Variants in SUGCT observed in about 807,000 individuals in gnomAD.
SUGCT encodes the protein succinyl-CoA:glutarate-CoA transferase, also known as succinyl-CoA:glutarate CoA-transferase.
A neutral mutation model predicts 55.0 loss-of-function variants in SUGCT; 41 were observed. That is an observed-to-expected ratio of 0.74 (90% CI 0.58 to 0.97). The LOEUF is 0.97. SUGCT is among the 50% of genes least tolerant of loss of function. SUGCT has a pLI of 0.00. For missense variants in SUGCT, 568 were observed against 547.8 expected (o/e 1.04, Z -0.37); for synonymous variants, 187 against 200.4 (o/e 0.93, Z 0.56).
chr7:40,521,166 G>C (rs1488455251), intron 12 of SUGCT, among the ~76,000 whole-genome samples: 2 of 152,090 alleles, frequency 1.3e-5, no homozygotes, highest in Non-Finnish European at 2.9e-5. Context: ...GGGCCTGGTG[G>C]GAGGTGATTG....
chr7:40,848,257 T>C (rs1426389786), intron 13 of SUGCT, among the ~76,000 whole-genome samples: 1 of 141,616 alleles, frequency 7.1e-6, no homozygotes, highest in Non-Finnish European at 1.5e-5. Context: ...ATGTAAAATG[T>C]AGATTTACCT....
At chr7:40,855,178 A>G (rs1794107713) in intron 13 of SUGCT, among the ~76,000 whole-genome samples, 1 of 150,262 alleles carries the variant, frequency 6.7e-6, no homozygotes, top group Non-Finnish European at 1.5e-5. Flanking sequence ...TCTTTTTTCC[A>G]TCTATACTGT....
the SUGCT span, among the ~76,000 whole-genome samples, chr7:40,899,784 AAT>A: frequency 6.6e-6 from 1 of 152,360 alleles, no homozygotes; most frequent in East Asian, 1.9e-4. Context: ...TCAATGTTGA[AAT>A]ATCATTAAGC....
chr7:40,822,821 A>G (rs1196170940), intron 13 of SUGCT, among the ~76,000 whole-genome samples: 1 of 152,112 alleles, frequency 6.6e-6, no homozygotes, highest in Non-Finnish European at 1.5e-5. Context: ...TGAAAATGAG[A>G]GTGTTAAGGA....
chr7:40,445,517 AC>A (rs1215143658), intron 9 of SUGCT, among the ~76,000 whole-genome samples: 1 of 152,178 alleles, frequency 6.6e-6, no homozygotes, highest in Non-Finnish European at 1.5e-5. Context: ...TAGTCTACCA[AC>A]CAAAAAAGTC....
chr7:40,924,166 A>G, the SUGCT span, among the ~76,000 whole-genome samples: 2 of 151,938 alleles, frequency 1.3e-5, no homozygotes. Flanking sequence ...ATAAATTTCT[A>G]TTGTTTATAT....
intron 8 of SUGCT, among the ~76,000 whole-genome samples, chr7:40,298,999 G>A (rs1194270301): frequency 2.0e-5 from 3 of 152,020 alleles, no homozygotes; most frequent in African/African-American, 4.8e-5. Context: ...AATAACAATG[G>A]TTTGAAAAGG....
At chr7:40,270,196 A>G (rs1336140707) in intron 7 of SUGCT, among the ~76,000 whole-genome samples, 6 of 151,342 alleles carry the variant, frequency 4.0e-5, no homozygotes, top group Admixed American at 4.0e-4. Flanking sequence ...ATGATTTACT[A>G]AACTTTCTCT....
intron 9 of SUGCT, among the ~76,000 whole-genome samples, chr7:40,418,415 G>A (rs1395605491): frequency 6.6e-6 from 1 of 152,110 alleles, no homozygotes; most frequent in Non-Finnish European, 1.5e-5. Flanking sequence ...TGCATGGATT[G>A]TTGCCTTGCC....
the SUGCT span, among the ~76,000 whole-genome samples, chr7:41,002,207 G>A: frequency 1.3e-5 from 2 of 152,146 alleles, no homozygotes; most frequent in African/African-American, 4.8e-5. Flanking sequence ...TATTAGTACA[G>A]ATGGGGTTTT....
intron 9 of SUGCT, among the ~76,000 whole-genome samples, chr7:40,374,415 G>A (rs183652561): frequency 8.5e-5 from 13 of 152,250 alleles, no homozygotes; most frequent in Non-Finnish European, 1.6e-4. Flanking sequence ...TAACCTGAGC[G>A]TTCAAGCTCC....
the SUGCT span, among the ~76,000 whole-genome samples, chr7:40,998,710 A>C: frequency 3.2e-3 from 488 of 152,314 alleles, 7 homozygotes; most frequent in African/African-American, 9.3e-3. Context: ...TATTTTGAGC[A>C]TCCAGAATTA....
intron 11 of SUGCT, among the ~76,000 whole-genome samples, chr7:40,494,964 T>G (rs567733936): frequency 6.6e-6 from 1 of 152,092 alleles, no homozygotes; most frequent in East Asian, 1.9e-4. Context: ...AGGCCTGGAG[T>G]GCGATGGTGC....
intron 13 of SUGCT, among the ~76,000 whole-genome samples, chr7:40,836,066 A>ATT (rs11425879): frequency 1.7e-4 from 25 of 145,136 alleles, no homozygotes; most frequent in East Asian, 1.0e-3. Context: ...TAATTTTTTA[A>ATT]TTTTTTTTTT....
intron 1 of SUGCT, among the ~76,000 whole-genome samples, chr7:40,141,637 C>CAAA (rs58487461): frequency 1.8e-5 from 1 of 57,140 alleles, no homozygotes; most frequent in Admixed American, 2.1e-4. Flanking sequence ...GACTCCATCT[C>CAAA]AAAAAAAAAA....
intron 1 of SUGCT, among the ~76,000 whole-genome samples, chr7:40,179,397 G>A (rs1443429496): frequency 2.0e-5 from 3 of 151,940 alleles, no homozygotes; most frequent in African/African-American, 4.8e-5. Flanking sequence ...GGGTTCAAGC[G>A]ATTCTCCTGC....
intron 12 of SUGCT, among the ~76,000 whole-genome samples, chr7:40,497,765 T>C (rs1307526112): frequency 6.6e-6 from 1 of 152,112 alleles, no homozygotes; most frequent in Non-Finnish European, 1.5e-5. Flanking sequence ...TCTGGAGATA[T>C]TTCCTAAGAG....
intron 12 of SUGCT, among the ~76,000 whole-genome samples, chr7:40,546,099 A>T (rs1160754633): frequency 6.6e-6 from 1 of 152,076 alleles, no homozygotes; most frequent in Non-Finnish European, 1.5e-5. Context: ...AATAAATTTA[A>T]CAACACTCTT....
intron 6 of SUGCT, among the ~76,000 whole-genome samples, chr7:40,199,770 T>C (rs1207106593): frequency 6.6e-6 from 1 of 151,602 alleles, no homozygotes. Context: ...GGGAACACTG[T>C]ACATGTCATT....
Sources: gnomAD v4.1 joint callset for allele counts (sites outside exome capture counted in the v4.1 genomes callset) on GRCh38, gnomAD v4.1.1 for gene constraint, MANE v1.5 for transcripts, NCBI Gene and HGNC (gene_info 2026-07-23, HGNC 2026-07-21) for gene names.